The following PDCD1LG2 variants were observed in gnomAD, a reference collection of about 807,000 sequenced individuals.
The protein encoded by PDCD1LG2 is programmed cell death 1 ligand 2.
PDCD1LG2 carries 32 observed loss-of-function variants against 28.2 expected under a neutral mutation model. The observed-to-expected ratio is 1.13, with a 90% CI of 0.86 to 1.52. The LOEUF is 1.52. Among genes scored for constraint, PDCD1LG2 ranks in the 40% most tolerant of loss-of-function variants. The probability of loss-of-function intolerance (pLI) is 0.00; values close to 1 mark genes in which losing one functional copy is unlikely to be tolerated. For missense variants in PDCD1LG2, 385 were observed against 323.8 expected (o/e 1.19, Z -1.45); for synonymous variants, 116 against 120.2 (o/e 0.97, Z 0.23).
intron 3 of PDCD1LG2, among the ~76,000 whole-genome samples, chr9:5,537,969 T>C (rs117850739): frequency 6.9e-4 from 105 of 152,320 alleles, no homozygotes; most frequent in Non-Finnish European, 1.0e-3. Flanking sequence ...GCTATAAATA[T>C]TTTGTTGTTG....
At chr9:5,568,651 C>T (rs553975451) in intron 6 of PDCD1LG2, among the ~76,000 whole-genome samples, 1 of 152,246 alleles carries the variant, frequency 6.6e-6, no homozygotes, top group South Asian at 2.1e-4. Context: ...GTCCTGAAGC[C>T]CACCTTACCA....
intron 1 of PDCD1LG2, among the ~76,000 whole-genome samples, 165 bp downstream of exon 1, chr9:5,510,968 C>T (rs925691057): frequency 6.6e-6 from 1 of 152,192 alleles, no homozygotes; most frequent in Admixed American, 6.5e-5. Context: ...CTAATGTCCT[C>T]CTGCCCCAGA....
Position 5,510,631 on chromosome 9 carries a change from A to G in PDCD1LG2, c.-187A>G, listed in dbSNP as rs36088486. On this transcript the variant is annotated 5_prime_UTR_variant, in exon 1 of 7. Transcript: ENST00000397747. ...GAGTGCTTTTTTGTTACCCATCCTC[A>G]TATGTCCCAGCTAGAAAGAATCCTG... 0.059 allele frequency: 8,958 copies of G among 152,668 alleles called. 294 individuals are homozygous for G. Among genetic ancestry groups the G allele is most frequent in the Middle Eastern group, 0.099 (29 of 292 alleles). 9.5% of individuals were successfully genotyped at this position (152,668 alleles called of 1,614,324 possible).
chr9:5,527,326 C>T (rs577500913), intron 2 of PDCD1LG2, among the ~76,000 whole-genome samples: 26 of 152,220 alleles, frequency 1.7e-4, no homozygotes, highest in African/African-American at 6.0e-4. Context: ...TCACCCAAGT[C>T]TTAAGTCCAG....
chr9:5,540,293 C>T (rs534641145), intron 3 of PDCD1LG2, among the ~76,000 whole-genome samples: 54 of 152,142 alleles, frequency 3.5e-4, no homozygotes, highest in Admixed American at 1.1e-3. Flanking sequence ...TGAAAGAGCA[C>T]AAATAGGCAA....
intron 5 of PDCD1LG2, among the ~76,000 whole-genome samples, chr9:5,562,131 G>T (rs1372241784): frequency 3.3e-5 from 5 of 152,158 alleles, no homozygotes; most frequent in Non-Finnish European, 5.9e-5. Flanking sequence ...GGCAGGAGTT[G>T]GGCATTAAAT....
intron 3 of PDCD1LG2, among the ~76,000 whole-genome samples, chr9:5,548,595 T>C (rs144096196): frequency 1.3e-5 from 2 of 152,342 alleles, no homozygotes; most frequent in Non-Finnish European, 2.9e-5. Flanking sequence ...AAAATGACTA[T>C]ACTTAGATCT....
At chr9:5,520,975 A>G (rs1213946301) in intron 1 of PDCD1LG2, among the ~76,000 whole-genome samples, 1 of 152,216 alleles carries the variant, frequency 6.6e-6, no homozygotes, top group African/African-American at 2.4e-5. Context: ...ATGACCATCA[A>G]CTGATGAATG....
chr9:5,563,599 C>T (rs1816609916), intron 6 of PDCD1LG2, among the ~76,000 whole-genome samples: 1 of 152,182 alleles, frequency 6.6e-6, no homozygotes, highest in Non-Finnish European at 1.5e-5. Flanking sequence ...GGGAAAAACA[C>T]AAGTCTCTTC....
intron 5 of PDCD1LG2, among the ~76,000 whole-genome samples, chr9:5,559,726 T>A (rs778998961): frequency 6.6e-6 from 1 of 152,242 alleles, no homozygotes; most frequent in Admixed American, 6.5e-5. Flanking sequence ...CTTTTTGCTA[T>A]AATAGGCTTT....
intron 3 of PDCD1LG2, among the ~76,000 whole-genome samples, chr9:5,538,458 G>A (rs1262512559): frequency 6.6e-6 from 1 of 152,030 alleles, no homozygotes; most frequent in Non-Finnish European, 1.5e-5. Context: ...GGCCAAGGCG[G>A]GTGGATCATG....
Position 5,549,385 on chromosome 9 carries a change from G to A in PDCD1LG2, c.412G>A (p.Glu138Lys), listed in dbSNP as rs1205101126. ...THILKVPETD[E>K]VELTCQATGY... ...CATCCTAAAGGTTCCAGAAACAGATGAGGTAGAGCTCACCTGCCAGGCTAC... is the reference window on the plus strand; with the variant it reads ...CATCCTAAAGGTTCCAGAAACAGATAAGGTAGAGCTCACCTGCCAGGCTAC... The change falls in exon 4 of 7, where the codon GAG (glutamate) becomes AAG (lysine). Residue 138 changes from glutamate to lysine, a missense_variant. Physicochemically the swap from Glu to Lys is moderately conservative, Grantham distance 56 (BLOSUM62 1). Transcript: ENST00000397747. The A allele has an allele frequency of 6.2e-7, 1 of 1,614,164 alleles. No homozygotes were observed. The highest frequency in any genetic ancestry group is 1.3e-5 in the African/African-American group (1 of 75,048).
intron 2 of PDCD1LG2, among the ~76,000 whole-genome samples, chr9:5,532,666 A>C (rs1378167547): frequency 6.6e-6 from 1 of 152,230 alleles, no homozygotes; most frequent in Non-Finnish European, 1.5e-5. Flanking sequence ...TCATTCAAGC[A>C]GCAGAAAACC....
intron 1 of PDCD1LG2, among the ~76,000 whole-genome samples, chr9:5,512,346 G>A (rs545190413): frequency 8.5e-5 from 13 of 152,320 alleles, no homozygotes; most frequent in Non-Finnish European, 1.8e-4. Flanking sequence ...TCTAGCCCCA[G>A]TCACCTCTGA....
chr9:5,536,189 C>T (rs1820577198), intron 3 of PDCD1LG2, among the ~76,000 whole-genome samples: 1 of 152,160 alleles, frequency 6.6e-6, no homozygotes, highest in South Asian at 2.1e-4. Context: ...GTTATTTTGC[C>T]TTTCATAACC....
intron 3 of PDCD1LG2, among the ~76,000 whole-genome samples, chr9:5,539,727 G>T (rs1820653054): frequency 6.6e-6 from 1 of 152,136 alleles, no homozygotes; most frequent in African/African-American, 2.4e-5. Flanking sequence ...TTCCAGACAG[G>T]GTTGCAGAGG....
rs767810563 is a variant in PDCD1LG2 at position 5,563,179 on chromosome 9, G to C, written c.784G>C (p.Val262Leu). The change falls in exon 6 of 7, where the codon GTC (valine) becomes CTC (leucine). Residue 262 changes from valine to leucine, a missense_variant. Transcript: ENST00000397747. ...YSSKDTTKRP[V>L]TTTKREVNSA... is the part of the protein sequence containing the mutation. ...CTTTTCAGACACAACAAAAAGACCTGTCACCACAACAAAGAGGGAAGTGAA... is the reference window on the plus strand; with the variant it reads ...CTTTTCAGACACAACAAAAAGACCTCTCACCACAACAAAGAGGGAAGTGAA... The C allele has an allele frequency of 5.6e-6, 9 of 1,612,498 alleles. No homozygotes were observed. In the South Asian group the frequency reaches 7.7e-5, roughly 14 times the overall value.
rs1820550340 is a variant in PDCD1LG2, at chr9:5,534,889, C to A, written c.200C>A (p.Ser67Tyr). ...TTGCAAAAGGTGGAAAATGATACATCCCCACACCGTGAAAGAGCCACTTTG... is the reference window on the plus strand; with the variant it reads ...TTGCAAAAGGTGGAAAATGATACATACCCACACCGTGAAAGAGCCACTTTG... ...ASLQKVENDT[S>Y]PHRERATLLE... Residue 67 changes from serine to tyrosine, a missense_variant, in exon 3 of 7, where the codon TCC becomes TAC. Coordinates refer to ENST00000397747, the MANE Select transcript of PDCD1LG2 (RefSeq NM_025239.4). The A allele has an allele frequency of 1.2e-6, 2 of 1,614,136 alleles. No individual in the cohort carries two copies. Among genetic ancestry groups the A allele is most frequent in the Non-Finnish European group, 1.7e-6 (2 of 1,180,020 alleles).
At chr9:5,567,138 T>C (rs1816682137) in intron 6 of PDCD1LG2, among the ~76,000 whole-genome samples, 1 of 152,190 alleles carries the variant, frequency 6.6e-6, no homozygotes, top group Non-Finnish European at 1.5e-5. Flanking sequence ...ACCAAATACA[T>C]TATATAGGAC....
Sources: gnomAD v4.1 joint callset for allele counts (sites outside exome capture counted in the v4.1 genomes callset) on GRCh38, gnomAD v4.1.1 for gene constraint, MANE v1.5 for transcripts, NCBI Gene and HGNC (gene_info 2026-07-23, HGNC 2026-07-21) for gene names.